Variants in VPS13B observed in about 807,000 individuals in gnomAD.
VPS13B encodes vacuolar protein sorting 13 homolog B, also known as intermembrane lipid transfer protein VPS13B.
Under a neutral mutation model 426.4 loss-of-function variants are expected in VPS13B, and 285 were observed. The ratio of observed to expected loss-of-function variants is 0.67; its 90% CI spans 0.61 to 0.74. VPS13B has a LOEUF of 0.74. Among genes scored for constraint, VPS13B ranks in the 30% least tolerant of loss-of-function variants. The probability of loss-of-function intolerance (pLI) is 0.00; values close to 1 mark genes in which losing one functional copy is unlikely to be tolerated. For missense variants in VPS13B, 4,537 were observed against 4,782.6 expected (o/e 0.95, Z 1.51); for synonymous variants, 1,676 against 1,676.4 (o/e 1.00, Z 0.01).
In VPS13B at chr8:99,511,288, C is replaced by G. The variant is rs1420894339; in HGVS notation, c.4409C>G (p.Ser1470Ter). Residue 1470 changes from serine (S) to a stop codon, truncating the protein, a stop_gained, in exon 29 of 62, where the codon TCA becomes TGA. Coordinates refer to ENST00000357162, the MANE Select transcript of VPS13B (RefSeq NM_152564.5). LOFTEE classifies it high-confidence loss of function. ...CATTTTCTTCATGAAATTCTTCTTT[C>G]AGCACAAGCTTTTGATATTGTTCTT... is the stretch of plus-strand genomic sequence containing the variant. ...SPHFLHEILL[S>*]AQAFDIVLYF... 2 of 1,613,876 alleles carry G rather than the reference C, an allele frequency of 1.2e-6. No individual in the cohort carries two copies. The highest frequency in any genetic ancestry group is 2.7e-5 in the African/African-American group (2 of 74,898).
chr8:99,230,293 AC>A (rs929366937), intron 17 of VPS13B, among the ~76,000 whole-genome samples: 2 of 152,102 alleles, frequency 1.3e-5, no homozygotes, highest in Non-Finnish European at 2.9e-5. Context: ...TTAGTCCCTT[AC>A]TCGATCCATA....
At chr8:99,588,064 T>C (rs1826400012) in intron 33 of VPS13B, among the ~76,000 whole-genome samples, 1 of 151,960 alleles carries the variant, frequency 6.6e-6, no homozygotes, top group Middle Eastern at 3.4e-3. Context: ...CCCAGCACCA[T>C]TTATTAAAAA....
intron 54 of VPS13B, among the ~76,000 whole-genome samples, chr8:99,840,155 G>T (rs557760719): frequency 6.6e-6 from 1 of 152,310 alleles, no homozygotes; most frequent in South Asian, 2.1e-4. Context: ...TCCAAATGTG[G>T]TCTAACCAGC....
At chr8:99,159,316 TA>T (rs1237312335) in intron 15 of VPS13B, among the ~76,000 whole-genome samples, 6 of 152,202 alleles carry the variant, frequency 3.9e-5, no homozygotes, top group African/African-American at 1.4e-4. Flanking sequence ...GGAACATTGT[TA>T]AATGATTACA....
chr8:99,133,473 C>T (rs1809910724), intron 8 of VPS13B, among the ~76,000 whole-genome samples: 1 of 152,194 alleles, frequency 6.6e-6, no homozygotes, highest in Admixed American at 6.5e-5. Flanking sequence ...TAATTTCCTT[C>T]AAGACTTTTT....
chr8:99,423,119 C>G (rs1816468770), intron 21 of VPS13B, among the ~76,000 whole-genome samples: 1 of 152,036 alleles, frequency 6.6e-6, no homozygotes. Context: ...TCTCTCCTTT[C>G]CTTTCTTTCT....
intron 30 of VPS13B, among the ~76,000 whole-genome samples, chr8:99,552,482 G>T (rs1413145362): frequency 2.0e-5 from 3 of 151,882 alleles, no homozygotes; most frequent in African/African-American, 4.8e-5. Context: ...CATACCATAT[G>T]TGAGACTCAA....
intron 19 of VPS13B, among the ~76,000 whole-genome samples, chr8:99,303,722 C>T (rs1459833616): frequency 2.3e-4 from 4 of 17,672 alleles, no homozygotes; most frequent in African/African-American, 9.0e-4. Context: ...CAGAGTGAGA[C>T]TCCGTCTCAA....
At chr8:99,332,508 AG>A in intron 19 of VPS13B, among the ~76,000 whole-genome samples, 1 of 151,770 alleles carries the variant, frequency 6.6e-6, no homozygotes, top group Admixed American at 6.6e-5. Context: ...GAATTAATTC[AG>A]TACATTCTCT....
chr8:99,831,493 A>G (rs1815057895), intron 51 of VPS13B, among the ~76,000 whole-genome samples: 2 of 152,046 alleles, frequency 1.3e-5, no homozygotes, highest in Admixed American at 6.5e-5. Context: ...CTGCACTTTT[A>G]CCTCCTGCTT....
chr8:99,252,878 A>T (rs1000012040), intron 17 of VPS13B, among the ~76,000 whole-genome samples: 7 of 152,142 alleles, frequency 4.6e-5, no homozygotes, highest in Non-Finnish European at 1.0e-4. Flanking sequence ...TAAAGTATAC[A>T]ATTCAGGAGT....
chr8:99,260,668 T>C (rs535002860), intron 17 of VPS13B, among the ~76,000 whole-genome samples: 1 of 152,094 alleles, frequency 6.6e-6, no homozygotes, highest in Non-Finnish European at 1.5e-5. Context: ...CTAGATCACT[T>C]CTTTGAAGTC....
chr8:99,293,831 C>T (rs1374928095), intron 19 of VPS13B, among the ~76,000 whole-genome samples: 3 of 149,542 alleles, frequency 2.0e-5, no homozygotes, highest in African/African-American at 7.4e-5. Context: ...AAATCAAAAC[C>T]ACAATGAGAT....
intron 42 of VPS13B, among the ~76,000 whole-genome samples, chr8:99,783,978 C>T (rs1812140193): frequency 1.3e-5 from 2 of 152,194 alleles, no homozygotes; most frequent in Admixed American, 6.5e-5. Flanking sequence ...TGCTCAAAAA[C>T]GTGCACTACC....
At chr8:99,031,669 C>T (rs1439712896) in intron 2 of VPS13B, among the ~76,000 whole-genome samples, 3 of 152,140 alleles carry the variant, frequency 2.0e-5, no homozygotes, top group Admixed American at 6.5e-5. Context: ...TCATCAATAT[C>T]AGCATTTTCT....
Position 99,119,850 on chromosome 8 carries a change from G to A in VPS13B, c.938-1327G>A, listed in dbSNP as rs2132511136. ...GAGAGTAGATATGAGTGAATATGCTGGAGACTAATTTTTCCATGGTGTTTT... is the reference window on the plus strand; with the variant it reads ...GAGAGTAGATATGAGTGAATATGCTAGAGACTAATTTTTCCATGGTGTTTT... On this transcript the variant is annotated intron_variant, in intron 7 of 61. Transcript: ENST00000357162. Among the ~76,000 whole-genome samples, 2 of 151,992 alleles carry A rather than the reference G, an allele frequency of 1.3e-5. 1 individual carries two copies. Among genetic ancestry groups the A allele is most frequent in the Admixed American group, 1.3e-4 (2 of 15,240 alleles).
chr8:99,016,116 A>G (rs757621016), intron 2 of VPS13B, among the ~76,000 whole-genome samples: 4 of 152,202 alleles, frequency 2.6e-5, no homozygotes, highest in African/African-American at 7.2e-5. Flanking sequence ...AGATTCCACA[A>G]TTTACTTACT....
At chr8:99,800,628 A>G (rs893129726) in intron 43 of VPS13B, among the ~76,000 whole-genome samples, 7 of 152,046 alleles carry the variant, frequency 4.6e-5, no homozygotes, top group African/African-American at 1.7e-4. Context: ...ATTTTTTTTT[A>G]GCCCAGAATA....
At chr8:99,527,770 A>AT (rs1158589537) in intron 30 of VPS13B, 1 of 152,194 alleles carries the variant, frequency 6.6e-6, no homozygotes, top group African/African-American at 2.4e-5. Flanking sequence ...TAAACAAACG[A>AT]GATGAAAATA....
Sources: gnomAD v4.1 joint callset for allele counts (sites outside exome capture counted in the v4.1 genomes callset) on GRCh38, gnomAD v4.1.1 for gene constraint, MANE v1.5 for transcripts, NCBI Gene and HGNC (gene_info 2026-07-23, HGNC 2026-07-21) for gene names.